Variants in PNPLA6 observed in about 807,000 individuals in gnomAD.
The protein encoded by PNPLA6 is patatin like domain 6, lysophospholipase.
Under a neutral mutation model 153.7 loss-of-function variants are expected in PNPLA6, and 105 were observed. The ratio of observed to expected loss-of-function variants is 0.68; its 90% CI spans 0.58 to 0.80. The LOEUF is 0.80. Among genes scored for constraint, PNPLA6 ranks in the 30% least tolerant of loss-of-function variants. PNPLA6 has a pLI of 0.00. For missense variants in PNPLA6, 1,423 were observed against 1,919.3 expected, an observed-to-expected ratio of 0.74 and a Z score of 4.83; for synonymous variants, 825 against 822.2, an observed-to-expected ratio of 1.00 and a Z score of -0.06.
chr19:7,549,273 G>A, intron 13 of PNPLA6, among the ~76,000 whole-genome samples: 1 of 141,260 alleles, frequency 7.1e-6, no homozygotes, highest in Admixed American at 7.2e-5. Context: ...TGCAAGCTCC[G>A]CCTCCCGGTT....
intron 26 of PNPLA6, 122 bp downstream of exon 26, chr19:7,556,846 G>A (rs1317302631): frequency 1.6e-5 from 13 of 792,724 alleles, no homozygotes; most frequent in Admixed American, 5.7e-5. Flanking sequence ...ACCCTGGCCC[G>A]ATCACCGACC....
intron 28 of PNPLA6, 58 bp from the exon 29 acceptor site, chr19:7,560,590 G>C: frequency 8.6e-7 from 1 of 1,162,614 alleles, no homozygotes; most frequent in South Asian, 1.2e-5. Flanking sequence ...TGGGCAGACA[G>C]AGTGGGGACA....
intron 3 of PNPLA6, 71 bp downstream of exon 3, chr19:7,536,617 C>A: frequency 3.0e-6 from 3 of 1,007,710 alleles, no homozygotes; most frequent in Non-Finnish European, 4.7e-6. Context: ...CAGCTTACAC[C>A]AAAGTGTTGT....
rs757286366 is a variant in PNPLA6 at position 7,540,593 on chromosome 19, C to G, written c.715-37C>G. 6.6e-7 allele frequency: 1 copy of G among 1,507,862 alleles called. No homozygotes were observed. Among genetic ancestry groups the G allele is most frequent in the South Asian group, 1.1e-5 (1 of 88,930 alleles). The allele number at this position is 1,507,862 out of a possible 1,614,324, so 93.4% of individuals were successfully genotyped here. ...GGGGGCGACATGCCAGTCACCAGGG[C>G]GAGGCCACTGAGGGTCCACGGTCTC... On this transcript the variant is annotated intron_variant, in intron 5 of 31. Coordinates refer to ENST00000600737, the MANE Select transcript of PNPLA6 (RefSeq NM_001166114.2). This position sits in a 1 kb window ranked among gnomAD's most constrained non-coding sequence, Gnocchi z 6.8.
chr19:7,545,784 C>T (rs755075740), intron 13 of PNPLA6, among the ~76,000 whole-genome samples: 8 of 151,762 alleles, frequency 5.3e-5, no homozygotes, highest in Non-Finnish European at 1.0e-4. Context: ...CGATGGCGGG[C>T]GCCTCTAGTC....
upstream of PNPLA6, chr19:7,535,661 C>A: frequency 1.3e-6 from 2 of 1,543,592 alleles, no homozygotes; most frequent in Non-Finnish European, 1.7e-6. The surrounding 1 kb of genome is among the most constrained non-coding windows in gnomAD (Gnocchi z 5.0). Flanking sequence ...GCGCGCATTA[C>A]GTGGTCTGGC....
intron 13 of PNPLA6, among the ~76,000 whole-genome samples, chr19:7,543,964 C>T (rs2023273916): frequency 6.6e-6 from 1 of 151,592 alleles, no homozygotes; most frequent in South Asian, 2.1e-4. Context: ...CAGGCGCCTG[C>T]CACCATGCCC....
At chr19:7,550,148 C>T in intron 14 of PNPLA6, 36 bp downstream of exon 14, 1 of 1,611,324 alleles carries the variant, frequency 6.2e-7, no homozygotes, top group Non-Finnish European at 8.5e-7. Flanking sequence ...GGGTGGCACT[C>T]GGAGGACCCC....
At position 7,541,586 on chromosome 19, in the gene PNPLA6, G is replaced by T. The variant is rs2023143856; in HGVS notation, c.1070G>T (p.Gly357Val). ...GLPTRTSPVR[G>V]SKRMVSTSAT... ...CCAACTCGCACCAGCCCTGTGCGGG[G>T]CTCCAAGAGAATGGTCAGCACCTCA... Residue 357 changes from glycine to valine, a missense_variant, in exon 9 of 32, where the codon GGC (glycine) becomes GTC (valine). By Grantham distance (109) the Gly-to-Val change is moderately radical. Coordinates refer to ENST00000600737, the MANE Select transcript of PNPLA6 (RefSeq NM_001166114.2). The surrounding 1 kb of genome is among the most constrained non-coding windows in gnomAD (Gnocchi z 5.2). The T allele has an allele frequency of 1.3e-6, 2 of 1,595,768 alleles. No individual in the cohort carries two copies. Among genetic ancestry groups the T allele is most frequent in the South Asian group, 2.3e-5 (2 of 88,556 alleles).
At position 7,554,874 on chromosome 19, in the gene PNPLA6, A is replaced by C. The variant is rs539887; in HGVS notation, c.2635-19A>C. ...TGGTGGTGGGGCGGCTGGTGACCTC[A>C]GCCGTCCGTATTCCGCAGCTGGAGC... On this transcript the variant is annotated intron_variant, in intron 21 of 31. Coordinates refer to ENST00000600737, the MANE Select transcript of PNPLA6 (RefSeq NM_001166114.2). 506,308 of 1,573,076 alleles carry C rather than the reference A, an allele frequency of 0.32. 82,949 individuals carry two copies. Among genetic ancestry groups the C allele is most frequent in the Middle Eastern group, 0.45 (2,595 of 5,724 alleles).
In PNPLA6 at chr19:7,554,285, G is replaced by GA. The variant is rs750873781; in HGVS notation, c.2465+15dup. On this transcript the variant is annotated intron_variant, in intron 20 of 31. Coordinates refer to ENST00000600737, the MANE Select transcript of PNPLA6 (RefSeq NM_001166114.2). ...CCGCACTGGATAGGTGTGTGTTGCA[G>GA]AAGGGAGTGGGGAGGGTGGTGGGTG... 1.9e-6 allele frequency: 3 copies of GA among 1,609,236 alleles called. No homozygotes were observed. The highest frequency in any genetic ancestry group is 2.6e-6 in the Non-Finnish European group (3 of 1,175,676).
Position 7,536,039 on chromosome 19 carries a change from C to T in PNPLA6, c.232+19C>T. ...GTGCCAAGTGAGCACCCGAGGGGCC[C>T]CTCTTGGGAGGCTGTATGGTGGGGG... On this transcript the variant is annotated intron_variant, in intron 1 of 31. Coordinates refer to ENST00000600737, the MANE Select transcript of PNPLA6 (RefSeq NM_001166114.2). The T allele has an allele frequency of 9.5e-6, 15 of 1,577,556 alleles. No homozygotes were observed. The highest frequency in any genetic ancestry group is 1.3e-5 in the Non-Finnish European group (15 of 1,162,288).
At chr19:7,560,976 G>C in intron 29 of PNPLA6, 38 bp from the exon 30 acceptor site, 2 of 1,408,422 alleles carry the variant, frequency 1.4e-6, no homozygotes, top group Middle Eastern at 3.5e-4. Context: ...AAGACTCTGT[G>C]GGCCCCCCCT....
chr19:7,545,954 G>T (rs1345957661), intron 13 of PNPLA6, among the ~76,000 whole-genome samples: 1 of 151,520 alleles, frequency 6.6e-6, no homozygotes, highest in Non-Finnish European at 1.5e-5. Flanking sequence ...ACCCTTAGTG[G>T]TCCCTGCCCT....
chr19:7,547,272 C>T (rs929458751), intron 13 of PNPLA6, among the ~76,000 whole-genome samples: 6 of 152,074 alleles, frequency 3.9e-5, no homozygotes, highest in Admixed American at 2.0e-4. Flanking sequence ...TCCAAAGCAG[C>T]GGCACCATTT....
rs1400544548 is a variant in PNPLA6 at position 7,558,841 on chromosome 19, G to A, written c.3398-9G>A. The A allele has an allele frequency of 6.2e-7, 1 of 1,602,492 alleles. No individual in the cohort carries two copies. Among genetic ancestry groups the A allele is most frequent in the African/African-American group, 1.3e-5 (1 of 74,848 alleles). On this transcript the variant is annotated splice_polypyrimidine_tract_variant and intron_variant, in intron 27 of 31. Coordinates refer to ENST00000600737, the MANE Select transcript of PNPLA6 (RefSeq NM_001166114.2). ...GGGGAGCAGCCCGCTGACCCCCCTG[G>A]CCCCACAGCGGACATCGCCCGCAGC... is the stretch of plus-strand genomic sequence containing the variant.
At chr19:7,546,922 T>TA (rs398120780) in intron 13 of PNPLA6, among the ~76,000 whole-genome samples, 5 of 151,392 alleles carry the variant, frequency 3.3e-5, no homozygotes, top group Admixed American at 6.6e-5. Flanking sequence ...TTTTTTTTTT[T>TA]AAGAGGGAGT....
At chr19:7,558,255 C>T (rs770711240) in intron 27 of PNPLA6, among the ~76,000 whole-genome samples, 3 of 152,238 alleles carry the variant, frequency 2.0e-5, no homozygotes, top group Non-Finnish European at 4.4e-5. Flanking sequence ...GCCAACTGCA[C>T]ACATGCTCAC....
Position 7,541,955 on chromosome 19 carries a change from G to T in PNPLA6, c.1169-29G>T. ...CTAATCCTCCTAGTGGCTCTGAGGG[G>T]CAGGAGCCTGAACATGTGTCTCCCC... On this transcript the variant is annotated intron_variant, in intron 9 of 31. Transcript: ENST00000600737. The surrounding 1 kb of genome is among the most constrained non-coding windows in gnomAD (Gnocchi z 5.2). 6.3e-7 allele frequency: 1 copy of T among 1,576,894 alleles called. No homozygotes were observed. The highest frequency in any genetic ancestry group is 8.7e-7 in the Non-Finnish European group (1 of 1,152,390).
Sources: gnomAD v4.1 joint callset for allele counts (sites outside exome capture counted in the v4.1 genomes callset) on GRCh38, gnomAD v4.1.1 for gene constraint, Gnocchi (gnomAD v3.1) non-coding constraint, MANE v1.5 for transcripts, NCBI Gene and HGNC (gene_info 2026-07-23, HGNC 2026-07-21) for gene names.